Variants in WFDC5 observed in about 807,000 individuals in gnomAD.
WFDC5 encodes WAP four-disulfide core domain protein 5.
In WFDC5, 15 loss-of-function variants were observed where a neutral mutation model predicts 15.7. The ratio of observed to expected loss-of-function variants is 0.96; its 90% CI spans 0.64 to 1.47. WFDC5 has a LOEUF of 1.47. Among genes scored for constraint, WFDC5 ranks in the 40% most tolerant of loss-of-function variants. The pLI is 0.00. For synonymous variants in WFDC5, 109 were observed against 107.7 expected, an observed-to-expected ratio of 1.01 and a Z score of -0.07; for missense variants, 280 against 258.0, an observed-to-expected ratio of 1.09 and a Z score of -0.59.
intron 1 of WFDC5, among the ~76,000 whole-genome samples, chr20:45,113,868 G>T (rs1981685597): frequency 6.6e-6 from 1 of 151,984 alleles, no homozygotes; most frequent in Admixed American, 6.6e-5. Flanking sequence ...GTCATTCTCT[G>T]GTCTCTCAGC....
intron 1 of WFDC5, 96 bp downstream of exon 1, chr20:45,114,903 C>A (rs1220849721): frequency 1.1e-5 from 14 of 1,327,612 alleles, no homozygotes; most frequent in East Asian, 2.4e-5. Context: ...GCACACACAC[C>A]CCACAGGGCA....
chr20:45,113,145 T>G (rs1308514801), intron 1 of WFDC5, among the ~76,000 whole-genome samples: 1 of 152,226 alleles, frequency 6.6e-6, no homozygotes, highest in East Asian at 1.9e-4. Context: ...AATTAGGCAC[T>G]TGCTGTTTAT....
In WFDC5 at chr20:45,112,266, G is replaced by A. The variant is rs150926907; in HGVS notation, c.86-1491C>T. On this transcript the variant is annotated intron_variant, in intron 1 of 3. Coordinates refer to ENST00000307971, the Ensembl canonical transcript of WFDC5. The stretch of plus-strand genomic sequence containing the variant: ...CAAAGGTGCGCAGGCCTCAAAGGGT[G>A]GGCCAAACGGAGCTGCGTGCACTCA... 5.7e-3 allele frequency among the ~76,000 whole-genome samples: 871 copies of A among 152,280 alleles called. 11 individuals are homozygous for A. The highest frequency in any genetic ancestry group is 0.02 in the African/African-American group (840 of 41,548).
intron 1 of WFDC5, 65 bp downstream of exon 1, chr20:45,114,934 C>T: frequency 4.5e-6 from 7 of 1,570,850 alleles, no homozygotes; most frequent in African/African-American, 1.3e-5. Flanking sequence ...TCCCCCAAAC[C>T]CTTACTCTCC....
chr20:45,110,907 G>T lies in WFDC5; in HGVS notation c.86-132C>A. 2.4e-6 allele frequency: 3 copies of T among 1,226,054 alleles called. No homozygotes were observed. The South Asian group carries it at 4.5e-5, about 19-fold the overall frequency. 75.9% of individuals were successfully genotyped at this position (1,226,054 alleles called of 1,614,324 possible). The stretch of plus-strand genomic sequence containing the variant: ...TGTCTTTTGGCTAGTTGTTATTTTT[G>T]TTTGTTTGTTTGTTTATAATGACTC... On this transcript the variant is annotated intron_variant, in intron 1 of 3. Transcript: ENST00000307971.
exon 4 of WFDC5, chr20:45,109,549 C>A: frequency 1.7e-6 from 1 of 588,776 alleles, no homozygotes. Context: ...CAGCGTGCAA[C>A]CTATCATGGT....
chr20:45,115,488 A>C (rs1184938555), upstream of WFDC5, among the ~76,000 whole-genome samples: 1 of 152,124 alleles, frequency 6.6e-6, no homozygotes, highest in Non-Finnish European at 1.5e-5. Context: ...GTCAGCTTTG[A>C]ATAGCAAAGG....
intron 3 of WFDC5, 113 bp from the exon 4 acceptor site, chr20:45,110,126 A>T (rs939021118): frequency 6.9e-7 from 1 of 1,447,684 alleles, no homozygotes; most frequent in Non-Finnish European, 9.3e-7. Context: ...CCAAGGCAGG[A>T]TTCCTCTGCC....
intron 1 of WFDC5, among the ~76,000 whole-genome samples, chr20:45,111,850 T>TCC (rs1484826675): frequency 6.6e-6 from 1 of 152,146 alleles, no homozygotes; most frequent in African/African-American, 2.4e-5. Context: ...TCTGTGAGTG[T>TCC]CCACCCTGAG....
At chr20:45,115,224 GA>G (rs139598616), upstream of WFDC5, 27,060 of 698,654 alleles carry the variant, frequency 0.039, 1,547 homozygotes, top group African/African-American at 0.21. Context: ...CCCACCCCCT[GA>G]GGGCCCGAGG....
exon 4 of WFDC5, chr20:45,109,965 T>C (rs777537282): frequency 3.1e-6 from 5 of 1,614,020 alleles, no homozygotes; most frequent in Admixed American, 3.3e-5. Flanking sequence ...ACTCTTTCCG[T>C]TGGTCCCCAG....
chr20:45,110,568 C>A lies in WFDC5; in HGVS notation c.227-28G>T, dbSNP rs767416235. On this transcript the variant is annotated intron_variant, in intron 2 of 3. Transcript: ENST00000307971. ...GCAACACAGGGAACTGGGTGAGCTCCGTCCTTGCCCACTGGCCCTGAAGCT... is the reference window on the plus strand; with the variant it reads ...GCAACACAGGGAACTGGGTGAGCTCAGTCCTTGCCCACTGGCCCTGAAGCT... The A allele has an allele frequency of 6.8e-6, 11 of 1,613,946 alleles. No homozygotes were observed. In the African/African-American group the frequency reaches 1.5e-4, roughly 22 times the overall value.
At chr20:45,112,452 C>T (rs1314744514) in intron 1 of WFDC5, among the ~76,000 whole-genome samples, 2 of 152,054 alleles carry the variant, frequency 1.3e-5, no homozygotes, top group Admixed American at 1.3e-4. Context: ...AAAAGCCTGG[C>T]GTGTGCAGAG....
chr20:45,114,227 G>A (rs1981696064), intron 1 of WFDC5, among the ~76,000 whole-genome samples: 1 of 152,124 alleles, frequency 6.6e-6, no homozygotes, highest in Non-Finnish European at 1.5e-5. Context: ...CAGGGCAAGG[G>A]TTGCACAGGT....
exon 2 of WFDC5, chr20:45,110,725 G>A (rs780135037): frequency 6.2e-7 from 1 of 1,614,152 alleles, no homozygotes; most frequent in South Asian, 1.1e-5. Context: ...CACTGGTCAG[G>A]CACCGATAGG....
chr20:45,113,022 A>G (rs945511045), intron 1 of WFDC5, among the ~76,000 whole-genome samples: 25 of 152,328 alleles, frequency 1.6e-4, no homozygotes, highest in Non-Finnish European at 3.4e-4. Flanking sequence ...TAGCATATGT[A>G]TGTGAACAGA....
exon 4 of WFDC5, chr20:45,109,647 G>A (rs1981551901): frequency 6.0e-6 from 4 of 663,092 alleles, no homozygotes; most frequent in African/African-American, 5.4e-5. Flanking sequence ...CTGGATGGTT[G>A]GGCTGCCTGA....
intron 1 of WFDC5, among the ~76,000 whole-genome samples, chr20:45,111,296 C>T (rs1981614730): frequency 6.8e-6 from 1 of 146,956 alleles, no homozygotes; most frequent in African/African-American, 2.6e-5. Flanking sequence ...CCACCCCGGC[C>T]CCCACACACA....
At chr20:45,111,667 A>C (rs1176432737) in intron 1 of WFDC5, among the ~76,000 whole-genome samples, 1 of 152,098 alleles carries the variant, frequency 6.6e-6, no homozygotes, top group African/African-American at 2.4e-5. Context: ...CCCAGAGCTT[A>C]CCTAACATTC....
Sources: gnomAD v4.1 joint callset for allele counts (sites outside exome capture counted in the v4.1 genomes callset) on GRCh38, gnomAD v4.1.1 for gene constraint, MANE v1.5 for transcripts, NCBI Gene and HGNC (gene_info 2026-07-23, HGNC 2026-07-21) for gene names.